Variants in UNC80 observed in about 807,000 individuals in gnomAD.
UNC80 encodes the protein protein unc-80 homolog.
In UNC80, 164 loss-of-function variants were observed where a neutral mutation model predicts 384.6. The ratio of observed to expected loss-of-function variants is 0.43; its 90% CI spans 0.38 to 0.49. The LOEUF (loss-of-function observed/expected upper bound fraction) is 0.49, where lower values mean the gene tolerates loss of function less well. Ranked by LOEUF, UNC80 falls within the 20% of genes least tolerant of loss-of-function variation. The pLI, the probability that UNC80 is intolerant of heterozygous loss-of-function variation, is 0.00. For synonymous variants in UNC80, 1,486 were observed against 1,527.8 expected (o/e 0.97, Z 0.64); for missense variants, 3,330 against 4,143.0 (o/e 0.80, Z 5.39).
chr2:209,874,847 T>A (rs1036251679), intron 23 of UNC80, among the ~76,000 whole-genome samples: 4 of 152,198 alleles, frequency 2.6e-5, no homozygotes, highest in Admixed American at 6.5e-5. Flanking sequence ...TCTTCCAAAA[T>A]AAAACCCTTC....
chr2:209,895,435 T>C (rs1370505285), intron 27 of UNC80, among the ~76,000 whole-genome samples: 1 of 152,190 alleles, frequency 6.6e-6, no homozygotes, highest in African/African-American at 2.4e-5. Context: ...CCACCCACCC[T>C]CGCCTTTGAA....
intron 36 of UNC80, among the ~76,000 whole-genome samples, 151 bp downstream of exon 36, chr2:209,927,137 C>A (rs1422306942): frequency 6.6e-6 from 1 of 152,130 alleles, no homozygotes; most frequent in Non-Finnish European, 1.5e-5. Flanking sequence ...ACATACTGCG[C>A]TAACAGTATC....
At chr2:209,904,438 G>GA (rs1428294672) in intron 28 of UNC80, among the ~76,000 whole-genome samples, 1 of 152,136 alleles carries the variant, frequency 6.6e-6, no homozygotes, top group Non-Finnish European at 1.5e-5. Context: ...ATAAGAGCTG[G>GA]AAAAAAATTT....
chr2:209,800,159 T>C (rs986518253), intron 7 of UNC80, among the ~76,000 whole-genome samples: 1 of 152,048 alleles, frequency 6.6e-6, no homozygotes, highest in African/African-American at 2.4e-5. Flanking sequence ...CTTCTTTGTA[T>C]TTCTGGCAGC....
intron 7 of UNC80, among the ~76,000 whole-genome samples, chr2:209,810,841 C>G (rs746878723): frequency 4.6e-5 from 7 of 152,030 alleles, no homozygotes; most frequent in Non-Finnish European, 7.4e-5. Flanking sequence ...TATAATAAAT[C>G]AAATGATTTT....
intron 52 of UNC80, 198 bp from the exon 53 acceptor site, chr2:209,969,569 TG>T (rs2092825208): frequency 6.7e-6 from 4 of 595,702 alleles, no homozygotes; most frequent in African/African-American, 1.9e-5. Flanking sequence ...TTTAGTCGAG[TG>T]GGGCAGGCCT....
At chr2:209,937,690 T>C in intron 42 of UNC80, 60 bp downstream of exon 42, 1 of 1,325,084 alleles carries the variant, frequency 7.5e-7, no homozygotes, top group African/African-American at 1.5e-5. Flanking sequence ...TAGATATCTG[T>C]TCATACTTTG....
Position 209,772,100 on chromosome 2 carries a change from C to A in UNC80, c.28C>A (p.Gln10Lys). The A allele has an allele frequency of 6.5e-7, 1 of 1,549,494 alleles. No individual in the cohort carries two copies. The highest frequency in any genetic ancestry group is 8.7e-7 in the Non-Finnish European group (1 of 1,146,366). The part of the protein sequence containing the change: MVKRKSSEG[Q>K]EQDGGRGIPL... ...GGTGAAGAGGAAGAGCTCCGAGGGC[C>A]AGGAGCAGGACGGCGGCCGCGGCAT... The change falls in exon 1 of 65, where the codon CAG (glutamine) becomes AAG (lysine). Residue 10 changes from glutamine (Q) to lysine (K), a missense_variant. Transcript: ENST00000673920.
intron 18 of UNC80, among the ~76,000 whole-genome samples, chr2:209,836,900 C>T (rs1559171471): frequency 6.6e-6 from 1 of 152,144 alleles, no homozygotes; most frequent in Non-Finnish European, 1.5e-5. Flanking sequence ...GCCGATGTAA[C>T]ATTTTATTGA....
In UNC80 at chr2:209,912,668, G is replaced by T; in HGVS notation, c.4890+1G>T. 1.9e-6 allele frequency: 3 copies of T among 1,544,752 alleles called. No homozygotes were observed. Among genetic ancestry groups the T allele is most frequent in the Non-Finnish European group, 2.6e-6 (3 of 1,141,454 alleles). ...AATGCTGAAGTACATCAGACTTCAG[G>T]TATTGTTACCTGGATCAGAAGGATT... is the stretch of plus-strand genomic sequence containing the variant. On this transcript the variant is annotated splice_donor_variant, in intron 30 of 64. Coordinates refer to ENST00000673920, the MANE Select transcript of UNC80 (RefSeq NM_001371986.1). LOFTEE classifies it high-confidence loss of function.
At chr2:209,848,798 T>C (rs996903804) in intron 21 of UNC80, among the ~76,000 whole-genome samples, 1 of 152,134 alleles carries the variant, frequency 6.6e-6, no homozygotes. Context: ...TCCCGCATTT[T>C]TCCATTAGTG....
intron 56 of UNC80, 29 bp downstream of exon 56, chr2:209,973,299 T>C (rs1415279461): frequency 3.3e-6 from 5 of 1,536,532 alleles, no homozygotes; most frequent in Non-Finnish European, 3.5e-6. Flanking sequence ...TCTCTCTCTG[T>C]TTGTGCATGT....
intron 28 of UNC80, among the ~76,000 whole-genome samples, chr2:209,897,608 T>C (rs2086934545): frequency 6.6e-6 from 1 of 152,210 alleles, no homozygotes; most frequent in Non-Finnish European, 1.5e-5. Flanking sequence ...TTGAGTGTAA[T>C]ACATAGATGA....
intron 1 of UNC80, 93 bp from the exon 2 acceptor site, chr2:209,773,001 A>C (rs1446809877): frequency 3.9e-6 from 4 of 1,015,516 alleles, no homozygotes; most frequent in Non-Finnish European, 6.0e-6. Context: ...ATTTCATAGC[A>C]TCCTGTCTTA....
intron 21 of UNC80, chr2:209,845,189 C>G (rs1020995628): frequency 1.3e-5 from 2 of 152,176 alleles, no homozygotes; most frequent in Non-Finnish European, 2.9e-5. Flanking sequence ...CACCAAGAAC[C>G]CGAACATGCG....
chr2:209,971,053 A>T (rs1279019791), intron 54 of UNC80, 96 bp downstream of exon 54: 1 of 1,444,958 alleles, frequency 6.9e-7, no homozygotes, highest in African/African-American at 1.4e-5. Context: ...GCTGGGCAAA[A>T]TCTGTGAAAC....
At chr2:209,975,020 G>C (rs2092976281) in intron 56 of UNC80, among the ~76,000 whole-genome samples, 1 of 152,156 alleles carries the variant, frequency 6.6e-6, no homozygotes, top group Admixed American at 6.5e-5. Flanking sequence ...GGGTAAGAAG[G>C]AATCTTGCAA....
At position 209,959,593 on chromosome 2, in the gene UNC80, A is replaced by T; in HGVS notation, c.7691A>T (p.Asn2564Ile). ...EFRRPRESLL[N>I]ICTEFYKHCG... ...AGAAGACCCCGGGAGTCCTTACTGAATATTTGCACTGAGTTCTATAAGCAC... is the reference window on the plus strand; with the variant it reads ...AGAAGACCCCGGGAGTCCTTACTGATTATTTGCACTGAGTTCTATAAGCAC... Residue 2564 changes from asparagine (N) to isoleucine (I), a missense_variant, in exon 51 of 65, where the codon AAT becomes ATT. Around this residue, in one of 8 missense-constraint regions of UNC80, gnomAD observed 1,049 missense variants for 1,488.6 expected, o/e 0.70. Transcript: ENST00000673920. 2 of 1,551,704 alleles carry T rather than the reference A, an allele frequency of 1.3e-6. No homozygotes were observed. The highest frequency in any genetic ancestry group is 1.2e-5 in the South Asian group (1 of 84,054).
intron 53 of UNC80, 179 bp downstream of exon 53, chr2:209,970,070 A>C: frequency 2.6e-6 from 2 of 759,532 alleles, no homozygotes; most frequent in South Asian, 3.9e-5. Flanking sequence ...GGGGAGATCC[A>C]GGAACCCATC....
Sources: gnomAD v4.1 joint callset for allele counts (sites outside exome capture counted in the v4.1 genomes callset) on GRCh38, gnomAD v4.1.1 for gene constraint, gnomAD v4.1.1 regional missense constraint, MANE v1.5 for transcripts, NCBI Gene and HGNC (gene_info 2026-07-23, HGNC 2026-07-21) for gene names.